Variants in PCCA observed in about 807,000 individuals in gnomAD.
The protein encoded by PCCA is propionyl-CoA carboxylase subunit alpha.
A neutral mutation model predicts 101.3 loss-of-function variants in PCCA; 74 were observed. The ratio of observed to expected loss-of-function variants is 0.73; its 90% CI spans 0.61 to 0.89. The LOEUF (loss-of-function observed/expected upper bound fraction) is 0.89. Among genes scored for constraint, PCCA ranks in the 40% least tolerant of loss-of-function variants. PCCA has a pLI of 0.00. For missense variants in PCCA, 891 were observed against 907.0 expected (o/e 0.98, Z 0.23); for synonymous variants, 294 against 313.6 (o/e 0.94, Z 0.66).
At chr13:100,408,110 C>T (rs112369280) in intron 19 of PCCA, among the ~76,000 whole-genome samples, 4 of 152,164 alleles carry the variant, frequency 2.6e-5, no homozygotes, top group South Asian at 2.1e-4. Flanking sequence ...TAAGATTGCA[C>T]GACTGCACTC....
intron 1 of PCCA, among the ~76,000 whole-genome samples, chr13:100,097,893 A>G (rs1031359592): frequency 1.3e-5 from 2 of 152,148 alleles, no homozygotes; most frequent in Non-Finnish European, 2.9e-5. Context: ...GCATGGTGAC[A>G]TGCATCCATA....
chr13:100,120,070 C>T (rs900136545), intron 4 of PCCA, among the ~76,000 whole-genome samples: 1 of 151,860 alleles, frequency 6.6e-6, no homozygotes, highest in African/African-American at 2.4e-5. Flanking sequence ...ACCATGTTGG[C>T]CAGGCTGGTC....
intron 16 of PCCA, among the ~76,000 whole-genome samples, chr13:100,329,864 T>G (rs762957207): frequency 6.6e-6 from 1 of 152,166 alleles, no homozygotes; most frequent in Non-Finnish European, 1.5e-5. Context: ...GTGAAACCAT[T>G]ACATCTGAGA....
At chr13:100,331,496 G>A (rs1314006439) in intron 17 of PCCA, among the ~76,000 whole-genome samples, 3 of 152,160 alleles carry the variant, frequency 2.0e-5, no homozygotes, top group South Asian at 2.1e-4. Context: ...AGTTGATGTC[G>A]TTGAGTTGTT....
chr13:100,100,359 C>T (rs191183678), intron 1 of PCCA, among the ~76,000 whole-genome samples: 3 of 152,274 alleles, frequency 2.0e-5, no homozygotes, highest in East Asian at 3.9e-4. Flanking sequence ...ATTTTGCACA[C>T]GCTGACCTCT....
At chr13:100,225,767 G>T (rs891052940) in intron 7 of PCCA, among the ~76,000 whole-genome samples, 1 of 152,178 alleles carries the variant, frequency 6.6e-6, no homozygotes, top group East Asian at 1.9e-4. Flanking sequence ...TACAATGATA[G>T]AAAAGTGTAC....
At chr13:100,503,169 A>C (rs540282832) in intron 21 of PCCA, among the ~76,000 whole-genome samples, 1 of 152,366 alleles carries the variant, frequency 6.6e-6, no homozygotes, top group South Asian at 2.1e-4. Flanking sequence ...AAGCTAGCTA[A>C]GCAGGTACGA....
At chr13:100,220,232 C>G (rs979677889) in intron 7 of PCCA, among the ~76,000 whole-genome samples, 2 of 151,886 alleles carry the variant, frequency 1.3e-5, no homozygotes, top group Non-Finnish European at 2.9e-5. Flanking sequence ...TTCAAAAGAC[C>G]GTGTCCAATA....
rs141371306 is a variant in PCCA, at chr13:100,111,886, C to T, written c.229C>T (p.Arg77Trp). ...TGCTAATAGAGGAGAAATTGCATGTCGGGTGAGTAGAATTTTCGTCTTATT... is the reference window on the plus strand; with the variant it reads ...TGCTAATAGAGGAGAAATTGCATGTTGGGTGAGTAGAATTTTCGTCTTATT... ...LVANRGEIAC[R>W]VIRTCKKMGI... Residue 77 changes from arginine to tryptophan, a missense_variant and splice_region_variant, in exon 3 of 24, where the codon CGG becomes TGG. Transcript: ENST00000376285. The T allele has an allele frequency of 1.9e-5, 30 of 1,609,556 alleles. No individual in the cohort carries two copies. In the East Asian group the frequency reaches 2.2e-4, roughly 12 times the overall value.
chr13:100,141,407 A>G (rs535910769), intron 4 of PCCA, among the ~76,000 whole-genome samples: 74 of 151,864 alleles, frequency 4.9e-4, no homozygotes, highest in African/African-American at 1.7e-3. Flanking sequence ...ACATTTATTT[A>G]TTTATGTATT....
intron 18 of PCCA, among the ~76,000 whole-genome samples, chr13:100,367,724 C>T (rs1164135020): frequency 2.0e-5 from 3 of 149,560 alleles, no homozygotes; most frequent in Non-Finnish European, 4.4e-5. Flanking sequence ...TTTGGGAAGC[C>T]GAGGCGGGTG....
At chr13:100,235,156 A>G (rs968250569) in intron 7 of PCCA, among the ~76,000 whole-genome samples, 9 of 152,038 alleles carry the variant, frequency 5.9e-5, no homozygotes, top group Non-Finnish European at 1.2e-4. Context: ...CTTACTGTTT[A>G]GGAAGGTATT....
chr13:100,441,626 TAAG>T (rs1468177369), intron 20 of PCCA, among the ~76,000 whole-genome samples: 2 of 152,172 alleles, frequency 1.3e-5, no homozygotes, highest in African/African-American at 2.4e-5. Context: ...ACTATCAAAA[TAAG>T]AAAAGGAGAA....
In PCCA at chr13:100,154,065, G is replaced by A. The variant is rs781514718; in HGVS notation, c.301-914G>A. On this transcript the variant is annotated intron_variant, in intron 4 of 23. Transcript: ENST00000376285. ...TTGACTTTTTTTTTTGGTAGAAGGT[G>A]GGTCATAAATGTTTAGGTATATGTT... is the stretch of plus-strand genomic sequence containing the variant. Among the ~76,000 whole-genome samples the A allele has an allele frequency of 1.1e-4, 16 of 151,852 alleles. No individual in the cohort carries two copies. In the South Asian group the frequency reaches 3.3e-3, roughly 32 times the overall value.
chr13:100,253,207 T>G (rs1380913215), intron 8 of PCCA, among the ~76,000 whole-genome samples: 2 of 152,304 alleles, frequency 1.3e-5, no homozygotes, highest in South Asian at 2.1e-4. Context: ...TACTGCAGCC[T>G]TGACCTCCTG....
chr13:100,344,156 C>T (rs2071823901), intron 18 of PCCA, among the ~76,000 whole-genome samples: 1 of 152,046 alleles, frequency 6.6e-6, no homozygotes, highest in Admixed American at 6.5e-5. Context: ...AAATGTGGTA[C>T]CAACAAAGGG....
At chr13:100,527,054 T>TC (rs1477254920) in intron 22 of PCCA, among the ~76,000 whole-genome samples, 3 of 151,984 alleles carry the variant, frequency 2.0e-5, no homozygotes, top group African/African-American at 7.2e-5. Context: ...GCCGAGCTGT[T>TC]CCCAGTTCCC....
intron 21 of PCCA, among the ~76,000 whole-genome samples, chr13:100,512,432 G>A (rs1474224102): frequency 6.6e-6 from 1 of 152,194 alleles, no homozygotes; most frequent in African/African-American, 2.4e-5. Flanking sequence ...GGCCAAGCCA[G>A]AGAGCAACTG....
In PCCA at chr13:100,257,578, T is replaced by C; in HGVS notation, c.638-17T>C. On this transcript the variant is annotated splice_polypyrimidine_tract_variant and intron_variant, in intron 8 of 23. Coordinates refer to ENST00000376285, the MANE Select transcript of PCCA (RefSeq NM_000282.4). ...GATCAAAGTCTGAACTTCTGTCTAA[T>C]TCTTCCCTGCTGTTAGGCTACCCTG... 1 of 1,600,728 alleles carries C rather than the reference T, an allele frequency of 6.2e-7. No homozygotes were observed.
Sources: allele counts gnomAD v4.1 joint callset (sites outside exome capture counted in the v4.1 genomes callset), GRCh38; gene constraint gnomAD v4.1.1; transcripts MANE v1.5; gene names NCBI Gene and HGNC (gene_info 2026-07-23, HGNC 2026-07-21).